ATP6V0A2: variants seen among roughly 807,000 people sequenced by gnomAD.
The protein encoded by ATP6V0A2 is V-type proton ATPase 116 kDa subunit a 2.
Under a neutral mutation model 104.4 loss-of-function variants are expected in ATP6V0A2, and 58 were observed. The ratio of observed to expected loss-of-function variants is 0.56; its 90% CI spans 0.45 to 0.69. The LOEUF (loss-of-function observed/expected upper bound fraction) is 0.69. ATP6V0A2 is among the 30% of genes least tolerant of loss of function. The probability of loss-of-function intolerance (pLI) is 0.00; values close to 1 mark genes in which losing one functional copy is unlikely to be tolerated. For missense variants in ATP6V0A2, 938 were observed against 1,062.9 expected, an observed-to-expected ratio of 0.88 and a Z score of 1.63; for synonymous variants, 376 against 397.9, an observed-to-expected ratio of 0.95 and a Z score of 0.65.
chr12:123,748,429 G>A, intron 14 of ATP6V0A2, 146 bp from the exon 15 acceptor site: 1 of 736,306 alleles, frequency 1.4e-6, no homozygotes, highest in Non-Finnish European at 2.4e-6. Context: ...GATGTATCTG[G>A]ACACTCAGAT....
chr12:123,721,901 C>T (rs1036457425), intron 2 of ATP6V0A2, among the ~76,000 whole-genome samples: 10 of 152,312 alleles, frequency 6.6e-5, no homozygotes, highest in African/African-American at 1.7e-4. Context: ...ATCATGTTGC[C>T]AGCTCCCATA....
At chr12:123,722,692 G>C (rs1360082602) in intron 3 of ATP6V0A2, among the ~76,000 whole-genome samples, 3 of 152,146 alleles carry the variant, frequency 2.0e-5, no homozygotes, top group Non-Finnish European at 2.9e-5. Context: ...CTTTCCAGGT[G>C]GTGGTGAACA....
At chr12:123,743,675 A>G (rs113442258) in intron 9 of ATP6V0A2, 110 bp from the exon 10 acceptor site, 2 of 1,275,700 alleles carry the variant, frequency 1.6e-6, no homozygotes, top group East Asian at 2.4e-5. Flanking sequence ...AAACAAAACA[A>G]CACCACCAAA....
chr12:123,723,083 T>G (rs1026686260), intron 3 of ATP6V0A2: 4 of 152,608 alleles, frequency 2.6e-5, no homozygotes, highest in Non-Finnish European at 5.8e-5. Flanking sequence ...TTGATAACTC[T>G]TCTAAAACAA....
intron 14 of ATP6V0A2, 22 bp from the exon 15 acceptor site, chr12:123,748,553 A>G (rs1421647417): frequency 1.9e-6 from 3 of 1,578,264 alleles, no homozygotes; most frequent in Non-Finnish European, 2.6e-6. Context: ...TCGTGGGTTG[A>G]TTGATTCCTT....
At chr12:123,727,015 A>G (rs1370102659) in intron 5 of ATP6V0A2, among the ~76,000 whole-genome samples, 3 of 152,190 alleles carry the variant, frequency 2.0e-5, no homozygotes, top group Non-Finnish European at 2.9e-5. Flanking sequence ...TAGAACCAAA[A>G]TAGAAATAAA....
Position 123,718,742 on chromosome 12 carries a change from T to C in ATP6V0A2, c.196+41T>C, listed in dbSNP as rs1164574445. 2.1e-6 allele frequency: 3 copies of C among 1,398,736 alleles called. No homozygotes were observed. The South Asian group carries it at 3.6e-5, about 17-fold the overall frequency. The allele number at this position is 1,398,736 out of a possible 1,614,324, so 86.6% of individuals were successfully genotyped here. On this transcript the variant is annotated intron_variant, in intron 2 of 19. Coordinates refer to ENST00000330342, the MANE Select transcript of ATP6V0A2 (RefSeq NM_012463.4). ...GATTTAACAACTTAAATAATTACCT[T>C]TATATAGGCAAACCTTGTTCGGTTT... is the stretch of plus-strand genomic sequence containing the variant.
chr12:123,751,206 C>T lies in ATP6V0A2; in HGVS notation c.2032C>T (p.Arg678Cys), dbSNP rs148307049. ...PLFLLWLHNGRSCFGVNRSGY... is the reference protein window; with the variant it reads ...PLFLLWLHNGCSCFGVNRSGY... ...GTTTTTGTTGTGGCTTCACAATGGG[C>T]GTAGTTGCTTCGGGGTGAACCGGGT... Residue 678 changes from arginine (R) to cysteine (C), a missense_variant, in exon 16 of 20, where the codon CGT becomes TGT. Coordinates refer to ENST00000330342, the MANE Select transcript of ATP6V0A2 (RefSeq NM_012463.4). 1.1e-5 allele frequency: 17 copies of T among 1,614,038 alleles called. No individual in the cohort carries two copies. The highest frequency in any genetic ancestry group is 5.5e-5 in the South Asian group (5 of 91,086).
chr12:123,732,468 G>C (rs936215886), intron 6 of ATP6V0A2: 1 of 152,432 alleles, frequency 6.6e-6, no homozygotes, highest in Non-Finnish European at 1.5e-5. Context: ...CTGTGGAGCC[G>C]CACAATGGGC....
intron 2 of ATP6V0A2, 94 bp downstream of exon 2, chr12:123,718,795 G>A: frequency 6.9e-6 from 6 of 866,194 alleles, no homozygotes; most frequent in Middle Eastern, 2.5e-4. Context: ...TAGACAAGCA[G>A]AAAGGAAAAA....
chr12:123,746,639 TAAAAAAAA>T (rs760374381), intron 13 of ATP6V0A2, among the ~76,000 whole-genome samples: 1 of 83,604 alleles, frequency 1.2e-5, no homozygotes, highest in Non-Finnish European at 2.3e-5. Context: ...CCCCTTACCT[TAAAAAAAA>T]AAAAAAAAAA....
chr12:123,734,072 C>T (rs1956529043), intron 7 of ATP6V0A2, 64 bp downstream of exon 7: 6 of 1,298,332 alleles, frequency 4.6e-6, no homozygotes, highest in Non-Finnish European at 6.6e-6. Flanking sequence ...AGTTTTCCTT[C>T]AACATCCCTC....
intron 13 of ATP6V0A2, among the ~76,000 whole-genome samples, chr12:123,746,923 A>G (rs1179264365): frequency 6.7e-6 from 1 of 149,646 alleles, no homozygotes; most frequent in Admixed American, 6.7e-5. Flanking sequence ...ACAGAGCGAG[A>G]CTCCTCAAAA....
chr12:123,745,131 G>A (rs1956648936), intron 13 of ATP6V0A2, among the ~76,000 whole-genome samples, 159 bp downstream of exon 13: 1 of 152,204 alleles, frequency 6.6e-6, no homozygotes, highest in South Asian at 2.1e-4. Flanking sequence ...CACTGGGAGG[G>A]GAGGCCAGGA....
At chr12:123,746,874 A>C (rs1438996944) in intron 13 of ATP6V0A2, among the ~76,000 whole-genome samples, 2 of 151,908 alleles carry the variant, frequency 1.3e-5, no homozygotes, top group Non-Finnish European at 1.5e-5. Flanking sequence ...TGGAGGTTGC[A>C]GTGAACCAAG....
At chr12:123,739,105 G>A (rs778728427) in intron 9 of ATP6V0A2, 1 of 152,316 alleles carries the variant, frequency 6.6e-6, no homozygotes, top group Non-Finnish European at 1.5e-5. Context: ...ATTCGATTCA[G>A]ATCGAGCCCA....
chr12:123,717,076 A>G (rs1839296407), intron 1 of ATP6V0A2, among the ~76,000 whole-genome samples: 3 of 152,014 alleles, frequency 2.0e-5, no homozygotes, highest in Admixed American at 2.0e-4. Flanking sequence ...GCATTTTGGG[A>G]GGCCGAGGTG....
At position 123,722,387 on chromosome 12, in the gene ATP6V0A2, C is replaced by T; in HGVS notation, c.233C>T (p.Pro78Leu). ...LVQEINRADI[P>L]LPEGEASPPA... ...CAGGAAATTAATAGAGCTGATATTC[C>T]CCTTCCTGAAGGAGAGGCCAGCCCT... The change falls in exon 3 of 20, where the codon CCC becomes CTC. Residue 78 changes from proline to leucine, a missense_variant. Transcript: ENST00000330342. 1 of 1,612,008 alleles carries T rather than the reference C, an allele frequency of 6.2e-7. No individual in the cohort carries two copies. The highest frequency in any genetic ancestry group is 1.1e-5 in the South Asian group (1 of 91,028).
intron 16 of ATP6V0A2, among the ~76,000 whole-genome samples, chr12:123,751,764 CTTCAG>C (rs981069119): frequency 6.6e-6 from 1 of 152,128 alleles, no homozygotes; most frequent in African/African-American, 2.4e-5. Context: ...TAACTCAGTC[CTTCAG>C]TTCAGATGGG....
Sources: gnomAD v4.1 joint callset for allele counts (sites outside exome capture counted in the v4.1 genomes callset) on GRCh38, gnomAD v4.1.1 for gene constraint, MANE v1.5 for transcripts, NCBI Gene and HGNC (gene_info 2026-07-23, HGNC 2026-07-21) for gene names.